The following PTPRD variants were observed in gnomAD, a reference collection of about 807,000 sequenced individuals.
The protein encoded by PTPRD is protein tyrosine phosphatase receptor type D.
PTPRD carries 34 observed loss-of-function variants against 214.5 expected under a neutral mutation model. The ratio of observed to expected loss-of-function variants is 0.16; its 90% confidence interval spans 0.12 to 0.21. PTPRD has a LOEUF of 0.21. Ranked by LOEUF, PTPRD falls within the 10% of genes least tolerant of loss-of-function variation. PTPRD has a pLI of 1.00. For missense variants in PTPRD, 2,545 were observed against 2,398.7 expected (o/e 1.06, Z -1.27); for synonymous variants, 1,128 against 845.7 (o/e 1.33, Z -5.79).
At chr9:9,515,337 A>C (rs555985948) in intron 8 of PTPRD, among the ~76,000 whole-genome samples, 1 of 151,934 alleles carries the variant, frequency 6.6e-6, no homozygotes, top group African/African-American at 2.4e-5. Flanking sequence ...AGATTTTAAA[A>C]ACACCTGGCT....
In PTPRD at chr9:8,316,175, T is replaced by TAACA. The variant is rs1318740731; in HGVS notation, c.*1695_*1698dup. 5 of 229,790 alleles carry TAACA rather than the reference T, an allele frequency of 2.2e-5. 1 individual carries two copies. The South Asian group carries it at 7.3e-4, about 33-fold the overall frequency. 14.2% of individuals were successfully genotyped at this position (229,790 alleles called of 1,614,324 possible). A position where few individuals can be genotyped will look rare whatever the true frequency, so the allele number is the denominator to read the frequency against. On this transcript the variant is annotated 3_prime_UTR_variant, in exon 46 of 46. Coordinates refer to ENST00000381196, the MANE Select transcript of PTPRD (RefSeq NM_002839.4). ...AAGTGCTTTGGGCTGGTACAATCAC[T>TAACA]AACATCCCCGACTTGGCTGAAAACT... is the stretch of plus-strand genomic sequence containing the variant.
intron 11 of PTPRD, among the ~76,000 whole-genome samples, chr9:8,914,170 A>G (rs1339389677): frequency 6.6e-6 from 1 of 152,162 alleles, no homozygotes; most frequent in African/African-American, 2.4e-5. Flanking sequence ...TTTCTCTTCT[A>G]TATGACAAAA....
At chr9:9,777,666 T>C (rs898078665) in intron 5 of PTPRD, among the ~76,000 whole-genome samples, 5 of 152,100 alleles carry the variant, frequency 3.3e-5, no homozygotes, top group African/African-American at 1.2e-4. Context: ...CACTGCACTG[T>C]AGTGTGCGCA....
chr9:9,660,875 G>T (rs770699803), intron 7 of PTPRD, among the ~76,000 whole-genome samples: 1 of 151,940 alleles, frequency 6.6e-6, no homozygotes. Context: ...TCACTGGAAA[G>T]CTACGCTGCC....
At chr9:8,711,735 T>A (rs1417145029) in intron 12 of PTPRD, among the ~76,000 whole-genome samples, 1 of 152,180 alleles carries the variant, frequency 6.6e-6, no homozygotes, top group East Asian at 1.9e-4. Flanking sequence ...AGAAAGTCCA[T>A]AAACCACCAC....
chr9:9,423,222 A>AC (rs1321887680), intron 8 of PTPRD, among the ~76,000 whole-genome samples: 6 of 152,116 alleles, frequency 3.9e-5, no homozygotes, highest in African/African-American at 1.4e-4. Flanking sequence ...TGAAGCCTTA[A>AC]CCCCCAACAT....
At chr9:9,770,088 T>C (rs2154481173) in intron 5 of PTPRD, among the ~76,000 whole-genome samples, 1 of 152,302 alleles carries the variant, frequency 6.6e-6, no homozygotes, top group Middle Eastern at 3.4e-3. Flanking sequence ...TGTGACTTTA[T>C]AGTAGAATAA....
At chr9:10,304,957 C>G (rs2096008514) in intron 3 of PTPRD, among the ~76,000 whole-genome samples, 1 of 152,158 alleles carries the variant, frequency 6.6e-6, no homozygotes, top group Non-Finnish European at 1.5e-5. Flanking sequence ...CCGAGACAAT[C>G]CTAAGCAAAG....
At chr9:10,158,821 T>C (rs1027376697) in intron 3 of PTPRD, among the ~76,000 whole-genome samples, 2 of 152,148 alleles carry the variant, frequency 1.3e-5, no homozygotes, top group African/African-American at 4.8e-5. Flanking sequence ...GCAGGATATT[T>C]GTATTTTCCT....
At chr9:8,385,459 A>T (rs1366467746) in intron 37 of PTPRD, among the ~76,000 whole-genome samples, 2 of 152,162 alleles carry the variant, frequency 1.3e-5, no homozygotes, top group African/African-American at 4.8e-5. Context: ...GATTACAGTG[A>T]ACTATGACCA....
At chr9:8,335,959 G>C (rs531582593) in intron 43 of PTPRD, among the ~76,000 whole-genome samples, 4 of 152,150 alleles carry the variant, frequency 2.6e-5, no homozygotes, top group African/African-American at 7.2e-5. Context: ...AAGGAAATAA[G>C]AGAGGACACA....
At chr9:8,492,646 T>A (rs2097174311) in intron 27 of PTPRD, among the ~76,000 whole-genome samples, 4 of 149,734 alleles carry the variant, frequency 2.7e-5, no homozygotes, top group South Asian at 2.1e-4. Context: ...ACTTATTGAA[T>A]GACTGATTGA....
At position 8,500,046 on chromosome 9, in the gene PTPRD, G is replaced by A. The variant is rs1295572151; in HGVS notation, c.2129-206C>T. ...TAAGAAAAGATCAAAAAACATGACC[G>A]ATGCAAAAAAAAAAAAAAAAAATGG... On this transcript the variant is annotated intron_variant, in intron 24 of 45. Coordinates refer to ENST00000381196, the MANE Select transcript of PTPRD (RefSeq NM_002839.4). Among the ~76,000 whole-genome samples, 5 of 61,700 alleles carry A rather than the reference G, an allele frequency of 8.1e-5. No homozygotes were observed. Among genetic ancestry groups the A allele is most frequent in the Non-Finnish European group, 1.3e-4 (4 of 31,024 alleles). 40.5% of individuals were successfully genotyped at this position (61,700 alleles called of 152,430 possible). A position where few individuals can be genotyped will look rare whatever the true frequency, so the allele number is the denominator to read the frequency against.
Position 9,203,868 on chromosome 9 carries a change from C to A in PTPRD, c.-202-20505G>T, listed in dbSNP as rs151311772. Among the ~76,000 whole-genome samples the A allele has an allele frequency of 3.6e-3, 548 of 151,826 alleles. 6 individuals carry two copies. Among genetic ancestry groups the A allele is most frequent in the African/African-American group, 0.013 (528 of 41,498 alleles). The stretch of plus-strand genomic sequence containing the variant: ...ATTTTAGAGATGTGTTATAGAAAAG[C>A]TAATTTGAGTGTAGAGTATGAGAAG... On this transcript the variant is annotated intron_variant, in intron 9 of 45. Transcript: ENST00000381196.
At chr9:8,718,429 G>T (rs2098459064) in intron 12 of PTPRD, among the ~76,000 whole-genome samples, 1 of 152,264 alleles carries the variant, frequency 6.6e-6, no homozygotes, top group African/African-American at 2.4e-5. Context: ...GTGTTGTTCA[G>T]TTGCTAAATA....
chr9:9,097,079 A>G (rs187939592), intron 10 of PTPRD, among the ~76,000 whole-genome samples: 3 of 152,340 alleles, frequency 2.0e-5, no homozygotes, highest in Admixed American at 1.3e-4. Flanking sequence ...TTGAAACATC[A>G]GAATATAAGG....
intron 39 of PTPRD, among the ~76,000 whole-genome samples, chr9:8,360,816 G>C (rs966958197): frequency 6.6e-6 from 1 of 152,122 alleles, no homozygotes; most frequent in African/African-American, 2.4e-5. Context: ...GGGACAAATA[G>C]TTCTATAAAT....
intron 8 of PTPRD, among the ~76,000 whole-genome samples, chr9:9,418,767 G>T (rs1270363435): frequency 3.9e-5 from 6 of 151,910 alleles, no homozygotes; most frequent in Non-Finnish European, 8.8e-5. Context: ...AGCATTGAAA[G>T]TGAGATCAGG....
At chr9:9,018,397 G>A (rs183056237) in intron 11 of PTPRD, among the ~76,000 whole-genome samples, 9 of 152,178 alleles carry the variant, frequency 5.9e-5, no homozygotes, top group African/African-American at 2.2e-4. Flanking sequence ...CTATAGATGT[G>A]TATTTGCTCT....
Sources: allele counts gnomAD v4.1 joint callset (sites outside exome capture counted in the v4.1 genomes callset), GRCh38; gene constraint gnomAD v4.1.1; transcripts MANE v1.5; gene names NCBI Gene and HGNC (gene_info 2026-07-23, HGNC 2026-07-21).